Variants in TRAPPC9 observed in about 807,000 individuals in gnomAD.
The protein encoded by TRAPPC9 is IKK2 binding protein.
TRAPPC9 carries 83 observed loss-of-function variants against 124.0 expected under a neutral mutation model. The ratio of observed to expected loss-of-function variants is 0.67; its 90% CI spans 0.56 to 0.80. The LOEUF is 0.80. Among genes scored for constraint, TRAPPC9 ranks in the 30% least tolerant of loss-of-function variants. The pLI is 0.00. For missense variants in TRAPPC9, 1,302 were observed against 1,508.3 expected (o/e 0.86, Z 2.27); for synonymous variants, 638 against 617.5 (o/e 1.03, Z -0.49).
intron 5 of TRAPPC9, among the ~76,000 whole-genome samples, chr8:140,424,005 G>T (rs906195816): frequency 6.6e-6 from 1 of 152,134 alleles, no homozygotes; most frequent in Non-Finnish European, 1.5e-5. Flanking sequence ...ACTGCTAACA[G>T]GTATATGGCT....
chr8:140,209,900 C>A (rs1469436782), intron 17 of TRAPPC9, among the ~76,000 whole-genome samples: 4 of 152,200 alleles, frequency 2.6e-5, no homozygotes, highest in Admixed American at 2.0e-4. Flanking sequence ...ACGGAAACAG[C>A]GTGAACTTTG....
At chr8:140,238,763 T>C (rs1299859988) in intron 16 of TRAPPC9, among the ~76,000 whole-genome samples, 2 of 152,018 alleles carry the variant, frequency 1.3e-5, no homozygotes, top group African/African-American at 2.4e-5. Flanking sequence ...TGTGACGAGG[T>C]AAAAGAGTTG....
chr8:140,156,981 CTTTCCATTCAAAAGCCTCCCT>C (rs1563804025), intron 17 of TRAPPC9, among the ~76,000 whole-genome samples: 610 of 39,344 alleles, frequency 0.016, 70 homozygotes, highest in South Asian at 0.067. Context: ...AAAAGCCTCC[CTTTCCATTCAAAAGCCTCCCT>C]TTTCCATTCA....
At chr8:139,947,637 A>G (rs750434037) in intron 19 of TRAPPC9, among the ~76,000 whole-genome samples, 6 of 151,916 alleles carry the variant, frequency 3.9e-5, no homozygotes, top group Non-Finnish European at 7.4e-5. Flanking sequence ...AGGCAGGTGG[A>G]TCACCTGAAG....
rs145952862 is a variant in TRAPPC9 at position 139,869,779 on chromosome 8, T to C, written c.3055+16100A>G. On this transcript the variant is annotated intron_variant, in intron 21 of 22. Coordinates refer to ENST00000438773, the MANE Select transcript of TRAPPC9 (RefSeq NM_001160372.4). ...AAAGAAGAAAACAAAACAAAGTAATTACCATAGGAAGTTTTTTTAAAAACT... is the reference window on the plus strand; with the variant it reads ...AAAGAAGAAAACAAAACAAAGTAATCACCATAGGAAGTTTTTTTAAAAACT... Among the ~76,000 whole-genome samples the C allele has an allele frequency of 6.6e-5, 10 of 152,112 alleles. No individual in the cohort carries two copies. The South Asian group carries it at 1.9e-3, about 28-fold the overall frequency.
At chr8:140,109,686 C>T (rs1012432222) in intron 17 of TRAPPC9, among the ~76,000 whole-genome samples, 4 of 152,184 alleles carry the variant, frequency 2.6e-5, no homozygotes, top group Non-Finnish European at 5.9e-5. Context: ...CCTTCCCATT[C>T]CACCCTGTCA....
intron 5 of TRAPPC9, among the ~76,000 whole-genome samples, chr8:140,420,587 A>G (rs1353199308): frequency 2.6e-5 from 4 of 152,162 alleles, no homozygotes. Flanking sequence ...AGGAAAAAAC[A>G]TGATTTTGTT....
At chr8:139,820,502 T>C (rs1410055404) in intron 21 of TRAPPC9, among the ~76,000 whole-genome samples, 1 of 152,186 alleles carries the variant, frequency 6.6e-6, no homozygotes, top group Non-Finnish European at 1.5e-5. Flanking sequence ...ACTATTTCAT[T>C]AAAAAACAAA....
At chr8:140,269,831 G>A (rs1004073115) in intron 15 of TRAPPC9, among the ~76,000 whole-genome samples, 9 of 152,146 alleles carry the variant, frequency 5.9e-5, no homozygotes, top group African/African-American at 7.2e-5. Context: ...GGGCACGGTC[G>A]CTCGTGCCTG....
intron 17 of TRAPPC9, among the ~76,000 whole-genome samples, chr8:140,117,691 C>T (rs1472631966): frequency 1.3e-5 from 2 of 152,156 alleles, no homozygotes; most frequent in African/African-American, 2.4e-5. Context: ...CATAGCAAGA[C>T]ATATGATGGC....
chr8:140,404,536 T>G (rs1377674877), intron 6 of TRAPPC9, among the ~76,000 whole-genome samples: 1 of 152,136 alleles, frequency 6.6e-6, no homozygotes, highest in Non-Finnish European at 1.5e-5. Context: ...AGAAAACCTT[T>G]CCACATGCTC....
intron 21 of TRAPPC9, among the ~76,000 whole-genome samples, chr8:139,782,257 G>A (rs1821880881): frequency 6.6e-6 from 1 of 152,130 alleles, no homozygotes; most frequent in Admixed American, 6.5e-5. Context: ...GCATGCACCT[G>A]TAGTCCCAGC....
intron 19 of TRAPPC9, among the ~76,000 whole-genome samples, chr8:139,918,643 G>A (rs975659578): frequency 6.6e-6 from 1 of 152,230 alleles, no homozygotes; most frequent in African/African-American, 2.4e-5. Context: ...GCCCGACATC[G>A]GGAGCTTCTC....
intron 17 of TRAPPC9, among the ~76,000 whole-genome samples, chr8:140,031,290 C>T (rs1261348861): frequency 6.6e-6 from 1 of 152,212 alleles, no homozygotes; most frequent in Non-Finnish European, 1.5e-5. Flanking sequence ...TCAGTCTCCT[C>T]ACCTTAAAAC....
chr8:140,300,027 A>C (rs2065920708), intron 11 of TRAPPC9, among the ~76,000 whole-genome samples: 2 of 152,238 alleles, frequency 1.3e-5, no homozygotes, highest in Non-Finnish European at 2.9e-5. Flanking sequence ...TAGTTCACAT[A>C]AGTCTCAGTT....
At chr8:140,160,582 G>A (rs1161770740) in intron 17 of TRAPPC9, among the ~76,000 whole-genome samples, 1 of 151,460 alleles carries the variant, frequency 6.6e-6, no homozygotes, top group Non-Finnish European at 1.5e-5. Flanking sequence ...ACTCATAGGT[G>A]GGAATTGAAC....
chr8:140,164,474 T>C (rs986337748), intron 17 of TRAPPC9, among the ~76,000 whole-genome samples: 3 of 152,256 alleles, frequency 2.0e-5, no homozygotes, highest in Non-Finnish European at 4.4e-5. Context: ...CAGGCTCTTC[T>C]GTGAACAGCT....
At chr8:139,790,696 T>C (rs565784634) in intron 21 of TRAPPC9, among the ~76,000 whole-genome samples, 62 of 152,264 alleles carry the variant, frequency 4.1e-4, no homozygotes, top group Admixed American at 9.8e-4. Flanking sequence ...CGGCACAGGA[T>C]GATGGGCCCC....
At chr8:139,928,284 G>A (rs1832925505) in intron 19 of TRAPPC9, among the ~76,000 whole-genome samples, 2 of 152,158 alleles carry the variant, frequency 1.3e-5, no homozygotes, top group Non-Finnish European at 2.9e-5. Flanking sequence ...CTGAGGTCAG[G>A]AGTTCGAGAC....
Sources: allele counts gnomAD v4.1 joint callset (sites outside exome capture counted in the v4.1 genomes callset), GRCh38; gene constraint gnomAD v4.1.1; transcripts MANE v1.5; gene names NCBI Gene and HGNC (gene_info 2026-07-23, HGNC 2026-07-21).